GTF2F2: variants seen among roughly 807,000 people sequenced by gnomAD.
The protein encoded by GTF2F2 is general transcription factor IIF subunit 2.
GTF2F2 carries 23 observed loss-of-function variants against 42.2 expected under a neutral mutation model. The ratio of observed to expected loss-of-function variants is 0.55; its 90% confidence interval spans 0.39 to 0.77. GTF2F2 has a LOEUF of 0.77. GTF2F2 is among the 30% of genes least tolerant of loss of function. The pLI, the probability that GTF2F2 is intolerant of heterozygous loss-of-function variation, is 0.00. For synonymous variants in GTF2F2, 105 were observed against 100.8 expected (o/e 1.04, Z -0.25); for missense variants, 261 against 287.2 (o/e 0.91, Z 0.66).
intron 7 of GTF2F2, among the ~76,000 whole-genome samples, chr13:45,274,705 G>A (rs1046199924): frequency 3.9e-5 from 6 of 152,128 alleles, no homozygotes; most frequent in Non-Finnish European, 8.8e-5. Flanking sequence ...ACTTTGGGAA[G>A]CTAAAGCAGG....
chr13:45,152,216 C>G (rs965523622), intron 4 of GTF2F2, among the ~76,000 whole-genome samples: 5 of 151,982 alleles, frequency 3.3e-5, no homozygotes, highest in African/African-American at 1.2e-4. Flanking sequence ...CACCCAGCCT[C>G]CTGTTTGCTT....
intron 6 of GTF2F2, among the ~76,000 whole-genome samples, chr13:45,255,237 C>A (rs2138250769): frequency 6.7e-6 from 1 of 149,798 alleles, no homozygotes; most frequent in South Asian, 2.1e-4. Context: ...AGGATAGCAT[C>A]TACCAAACTA....
intron 1 of GTF2F2, among the ~76,000 whole-genome samples, chr13:45,136,458 T>C (rs926075183): frequency 1.3e-5 from 2 of 152,336 alleles, no homozygotes; most frequent in East Asian, 3.9e-4. Flanking sequence ...CTGTGACCTT[T>C]AATTGGACTT....
chr13:45,257,564 C>T (rs1250919248), intron 6 of GTF2F2, among the ~76,000 whole-genome samples: 6 of 152,102 alleles, frequency 3.9e-5, no homozygotes, highest in African/African-American at 1.4e-4. Context: ...CACTTACAAA[C>T]ATTTGAACAT....
intron 4 of GTF2F2, among the ~76,000 whole-genome samples, chr13:45,202,498 A>G (rs1165360867): frequency 6.6e-6 from 1 of 152,162 alleles, no homozygotes; most frequent in African/African-American, 2.4e-5. Flanking sequence ...GTATGTTTCT[A>G]TTTTATGACC....
chr13:45,181,728 G>A (rs1872176708), intron 4 of GTF2F2, among the ~76,000 whole-genome samples: 2 of 152,086 alleles, frequency 1.3e-5, no homozygotes, highest in Non-Finnish European at 2.9e-5. Flanking sequence ...TTGAAAGCTA[G>A]AGGGAAAGTT....
chr13:45,225,683 A>T (rs528142401), intron 5 of GTF2F2, among the ~76,000 whole-genome samples: 1 of 152,266 alleles, frequency 6.6e-6, no homozygotes, highest in East Asian at 1.9e-4. Flanking sequence ...CGTGATTAGA[A>T]AGCCAGAGCA....
intron 6 of GTF2F2, among the ~76,000 whole-genome samples, chr13:45,261,419 C>T (rs552680524): frequency 3.2e-4 from 40 of 125,592 alleles, no homozygotes; most frequent in Non-Finnish European, 5.4e-4. Context: ...GAGCAAGACT[C>T]CATCTCAAAA....
chr13:45,269,494 A>G (rs1309183775), intron 7 of GTF2F2, among the ~76,000 whole-genome samples: 2 of 152,180 alleles, frequency 1.3e-5, no homozygotes, highest in Admixed American at 6.5e-5. Context: ...GCCAAAGTCT[A>G]GCTCTCCCCC....
At chr13:45,276,660 C>G (rs534920805) in intron 7 of GTF2F2, among the ~76,000 whole-genome samples, 2 of 152,130 alleles carry the variant, frequency 1.3e-5, no homozygotes, top group Admixed American at 1.3e-4. Context: ...AGGCTGGTCT[C>G]GAGCTCCTGA....
rs147621339 is a variant in GTF2F2 at position 45,153,489 on chromosome 13, T to A, written c.304+1658T>A. On this transcript the variant is annotated intron_variant, in intron 4 of 7. Transcript: ENST00000340473. The stretch of plus-strand genomic sequence containing the variant: ...TGCAGTTTTCTGATGCTCTGATAAT[T>A]AGTAGTGTAGTAGTATGGGAGGCAG... Among the ~76,000 whole-genome samples, 186 of 152,292 alleles carry A rather than the reference T, an allele frequency of 1.2e-3. 2 individuals are homozygous for A. The highest frequency in any genetic ancestry group is 4.1e-3 in the African/African-American group (172 of 41,560).
At chr13:45,268,942 C>G (rs537400917) in intron 7 of GTF2F2, among the ~76,000 whole-genome samples, 1 of 152,216 alleles carries the variant, frequency 6.6e-6, no homozygotes, top group African/African-American at 2.4e-5. Flanking sequence ...CTCAGTGAAT[C>G]TCTTACAACA....
chr13:45,264,286 A>G (rs540412823), intron 6 of GTF2F2, among the ~76,000 whole-genome samples: 1 of 149,272 alleles, frequency 6.7e-6, no homozygotes, highest in South Asian at 2.1e-4. Flanking sequence ...TTATTTTTTT[A>G]TTTTTTTATT....
chr13:45,207,784 C>G (rs888876344), intron 5 of GTF2F2, among the ~76,000 whole-genome samples: 1 of 152,068 alleles, frequency 6.6e-6, no homozygotes. Context: ...AATTTTGATT[C>G]TTTAAAGACA....
chr13:45,193,631 G>A (rs1872742521), intron 4 of GTF2F2: 5 of 638,456 alleles, frequency 7.8e-6, no homozygotes, highest in Non-Finnish European at 1.3e-5. Flanking sequence ...CATCTTTAGC[G>A]ATAGAATTTA....
At chr13:45,278,509 C>A (rs1877122556) in intron 7 of GTF2F2, among the ~76,000 whole-genome samples, 1 of 152,138 alleles carries the variant, frequency 6.6e-6, no homozygotes, top group South Asian at 2.1e-4. Context: ...TAAGACATAT[C>A]CCCAATCCTA....
chr13:45,161,548 T>C (rs964814530), intron 4 of GTF2F2, among the ~76,000 whole-genome samples: 1 of 152,116 alleles, frequency 6.6e-6, no homozygotes, highest in African/African-American at 2.4e-5. Context: ...TTGTTGGTTT[T>C]AAGAATACAG....
intron 5 of GTF2F2, among the ~76,000 whole-genome samples, chr13:45,233,095 A>G (rs1475810232): frequency 2.0e-5 from 3 of 152,182 alleles, no homozygotes; most frequent in African/African-American, 7.2e-5. Context: ...TATATGCATT[A>G]AATCCACAAA....
chr13:45,237,002 T>A (rs2138227384), intron 5 of GTF2F2, among the ~76,000 whole-genome samples: 1 of 152,322 alleles, frequency 6.6e-6, no homozygotes, highest in East Asian at 1.9e-4. Flanking sequence ...GATTTTTTTC[T>A]ACTTTTGTTA....
Sources: gnomAD v4.1 joint callset for allele counts (sites outside exome capture counted in the v4.1 genomes callset) on GRCh38, gnomAD v4.1.1 for gene constraint, MANE v1.5 for transcripts, NCBI Gene and HGNC (gene_info 2026-07-23, HGNC 2026-07-21) for gene names.